The following KLF12 variants were observed in gnomAD, a reference collection of about 807,000 sequenced individuals.
KLF12 encodes KLF transcription factor 12.
A neutral mutation model predicts 37.8 loss-of-function variants in KLF12; 9 were observed. The observed-to-expected ratio is 0.24, with a 90% confidence interval of 0.14 to 0.42. KLF12 has a LOEUF of 0.42. Ranked by LOEUF, KLF12 falls within the 10% of genes least tolerant of loss-of-function variation. KLF12 has a pLI of 1.00. For missense variants in KLF12, 411 were observed against 516.0 expected (o/e 0.80, Z 1.97); for synonymous variants, 208 against 202.1 (o/e 1.03, Z -0.25).
Position 73,715,464 on chromosome 13 carries a change from A to T in KLF12, c.931T>A (p.Ser311Thr). The change falls in exon 7 of 8, where the codon TCC becomes ACC. Residue 311 changes from serine to threonine, a missense_variant. Physicochemically the swap from Ser to Thr is moderately conservative, Grantham distance 58. This residue lies in a region of KLF12 where 351 missense variants were observed against 397.8 expected (regional missense o/e 0.88). Coordinates refer to ENST00000377669, the MANE Select transcript of KLF12 (RefSeq NM_007249.5). ...CATCTGTGGATACGCCGTTTTCTGG[A>T]GTCTGGGGATTCAGACCGTCTCTGG... is the stretch of plus-strand genomic sequence containing the variant. 1.2e-6 allele frequency: 2 copies of T among 1,614,056 alleles called. No homozygotes were observed. The highest frequency in any genetic ancestry group is 1.7e-6 in the Non-Finnish European group (2 of 1,179,936).
At chr13:73,721,213 C>A (rs1876219276) in intron 6 of KLF12, among the ~76,000 whole-genome samples, 1 of 152,228 alleles carries the variant, frequency 6.6e-6, no homozygotes, top group African/African-American at 2.4e-5. Flanking sequence ...AAGACAAAGT[C>A]TGCGGCTACA....
chr13:73,722,519 G>A (rs1191873376), intron 6 of KLF12, among the ~76,000 whole-genome samples: 1 of 152,166 alleles, frequency 6.6e-6, no homozygotes, highest in Non-Finnish European at 1.5e-5. Context: ...AGCTACATTC[G>A]GAGGTGGAGC....
chr13:73,738,433 T>A (rs969112669), intron 6 of KLF12, among the ~76,000 whole-genome samples: 10 of 151,996 alleles, frequency 6.6e-5, no homozygotes, highest in Non-Finnish European at 1.3e-4. Context: ...ATTACAGGCA[T>A]AAGCCACCAT....
chr13:73,858,843 C>T (rs1216859470), intron 3 of KLF12, among the ~76,000 whole-genome samples: 1 of 152,140 alleles, frequency 6.6e-6, no homozygotes, highest in African/African-American at 2.4e-5. Flanking sequence ...TTGAGGAAAA[C>T]AGAATTGTGC....
intron 1 of KLF12, among the ~76,000 whole-genome samples, chr13:74,087,640 C>A (rs1336604279): frequency 6.6e-6 from 1 of 152,124 alleles, no homozygotes; most frequent in Non-Finnish European, 1.5e-5. Context: ...AGGTTTCTAG[C>A]CCCAGCTTGT....
intron 7 of KLF12, among the ~76,000 whole-genome samples, chr13:73,713,507 A>C (rs372097462): frequency 1.3e-5 from 2 of 152,254 alleles, no homozygotes; most frequent in East Asian, 1.9e-4. Context: ...TCTCTGCGAA[A>C]TATGACACGC....
chr13:74,208,921 C>T, the KLF12 span, among the ~76,000 whole-genome samples: 23 of 152,110 alleles, frequency 1.5e-4, no homozygotes, highest in Non-Finnish European at 2.6e-4. Context: ...GTTATCTTTG[C>T]AGCAGCTTAA....
At chr13:74,163,527 A>C in the KLF12 span, among the ~76,000 whole-genome samples, 279 of 152,098 alleles carry the variant, frequency 1.8e-3, no homozygotes, top group Non-Finnish European at 3.1e-3. Flanking sequence ...GGATCTGAAA[A>C]TCAAATCAAT....
chr13:74,089,102 C>A (rs1020362634), intron 1 of KLF12, among the ~76,000 whole-genome samples: 1 of 152,076 alleles, frequency 6.6e-6, no homozygotes, highest in Admixed American at 6.6e-5. Flanking sequence ...CCAAGCTTAA[C>A]CTCCATGAAG....
intron 6 of KLF12, among the ~76,000 whole-genome samples, chr13:73,734,553 A>G (rs1194310066): frequency 1.3e-5 from 2 of 151,956 alleles, no homozygotes; most frequent in Non-Finnish European, 2.9e-5. Flanking sequence ...TATAACTTTC[A>G]TAATAGATGG....
At chr13:74,003,265 C>G (rs1892327198) in intron 1 of KLF12, among the ~76,000 whole-genome samples, 1 of 152,064 alleles carries the variant, frequency 6.6e-6, no homozygotes, top group Non-Finnish European at 1.5e-5. Context: ...ATGGGGAAGA[C>G]AAGACATTTC....
the KLF12 span, among the ~76,000 whole-genome samples, chr13:74,197,537 ACT>A: frequency 2.0e-5 from 3 of 152,056 alleles, no homozygotes; most frequent in African/African-American, 2.4e-5. Flanking sequence ...TCAGTGAATA[ACT>A]CTGATAATTC....
At chr13:74,182,455 A>G in the KLF12 span, among the ~76,000 whole-genome samples, 1 of 152,318 alleles carries the variant, frequency 6.6e-6, no homozygotes, top group East Asian at 1.9e-4. Context: ...CAAACACCAC[A>G]TATATGATGG....
At chr13:74,169,555 A>G in the KLF12 span, among the ~76,000 whole-genome samples, 1 of 152,266 alleles carries the variant, frequency 6.6e-6, no homozygotes, top group Non-Finnish European at 1.5e-5. Flanking sequence ...AGCTTTTAAA[A>G]TGATATGCAA....
chr13:73,771,438 T>A (rs1251442197), intron 5 of KLF12, among the ~76,000 whole-genome samples: 1 of 152,222 alleles, frequency 6.6e-6, no homozygotes, highest in Non-Finnish European at 1.5e-5. Context: ...GAGCTTATCA[T>A]AACACATTGT....
intron 1 of KLF12, among the ~76,000 whole-genome samples, chr13:74,035,147 C>G (rs1593846344): frequency 6.6e-6 from 1 of 152,174 alleles, no homozygotes; most frequent in Non-Finnish European, 1.5e-5. Flanking sequence ...AAATCAAAAT[C>G]CAAAGATGCT....
chr13:74,057,909 T>A (rs117047403), intron 1 of KLF12, among the ~76,000 whole-genome samples: 2,400 of 151,150 alleles, frequency 0.016, 28 homozygotes, highest in Non-Finnish European at 0.028. Context: ...GATAGAGACT[T>A]GGAAACAGGG....
the KLF12 span, among the ~76,000 whole-genome samples, chr13:74,160,545 T>C: frequency 6.6e-6 from 1 of 152,154 alleles, no homozygotes; most frequent in Non-Finnish European, 1.5e-5. Flanking sequence ...ATAGAACAAA[T>C]AAAGTGTCTT....
intron 5 of KLF12, among the ~76,000 whole-genome samples, chr13:73,793,234 C>G (rs1881785029): frequency 6.6e-6 from 1 of 152,148 alleles, no homozygotes; most frequent in Non-Finnish European, 1.5e-5. Context: ...AACACATCAG[C>G]AGAGATGGTC....
Sources: gnomAD v4.1 joint callset for allele counts (sites outside exome capture counted in the v4.1 genomes callset) on GRCh38, gnomAD v4.1.1 for gene constraint, gnomAD v4.1.1 regional missense constraint, MANE v1.5 for transcripts, NCBI Gene and HGNC (gene_info 2026-07-23, HGNC 2026-07-21) for gene names.